Variants in C1orf21 observed in about 807,000 individuals in gnomAD.
C1orf21 encodes the protein chromosome 1 open reading frame 21.
In C1orf21, 3 loss-of-function variants were observed where a neutral mutation model predicts 18.7. The ratio of observed to expected loss-of-function variants is 0.16; its 90% CI spans 0.07 to 0.42. C1orf21 has a LOEUF of 0.42. Ranked by LOEUF, C1orf21 falls within the 10% of genes least tolerant of loss-of-function variation. C1orf21 has a pLI of 0.99. For missense variants in C1orf21, 104 were observed against 143.6 expected, an observed-to-expected ratio of 0.72 and a Z score of 1.41; for synonymous variants, 41 against 46.4, an observed-to-expected ratio of 0.88 and a Z score of 0.47.
rs1012558676 is a variant in C1orf21 at position 184,595,768 on chromosome 1, C to T, written c.267-2633C>T. 2.2e-4 allele frequency among the ~76,000 whole-genome samples: 34 copies of T among 152,316 alleles called. 1 individual carries two copies. The highest frequency in any genetic ancestry group is 1.9e-3 in the Admixed American group (29 of 15,296). ...GTTATCTGGAGGAGCCTGTCTGGTG[C>T]ATCAAGCTTCCTTCCATTCAGTCTT... On this transcript the variant is annotated intron_variant, in intron 4 of 5. Coordinates refer to ENST00000235307, the MANE Select transcript of C1orf21 (RefSeq NM_030806.4).
At chr1:184,528,297 A>G (rs928389000) in intron 3 of C1orf21, among the ~76,000 whole-genome samples, 2 of 152,218 alleles carry the variant, frequency 1.3e-5, no homozygotes, top group South Asian at 2.1e-4. Flanking sequence ...ACCTAGTCCT[A>G]TCATCACAAC....
chr1:184,576,463 AACAG>A, intron 3 of C1orf21, among the ~76,000 whole-genome samples: 1 of 152,304 alleles, frequency 6.6e-6, no homozygotes. Flanking sequence ...ACTGCTACAG[AACAG>A]ACAGTTCTCA....
At chr1:184,594,692 AGAG>A (rs1295776212) in intron 4 of C1orf21, among the ~76,000 whole-genome samples, 6 of 152,158 alleles carry the variant, frequency 3.9e-5, no homozygotes, top group African/African-American at 7.2e-5. Flanking sequence ...CAGGAAGAAA[AGAG>A]GAGGTCAGAA....
At chr1:184,544,862 CT>C (rs775598468) in intron 3 of C1orf21, among the ~76,000 whole-genome samples, 129 of 152,276 alleles carry the variant, frequency 8.5e-4, no homozygotes, top group Admixed American at 2.9e-3. Context: ...CTCATGTTTG[CT>C]GTTGGGAGGC....
At chr1:184,584,169 T>A (rs1659322410) in intron 3 of C1orf21, among the ~76,000 whole-genome samples, 1 of 146,750 alleles carries the variant, frequency 6.8e-6, no homozygotes, top group African/African-American at 2.5e-5. Flanking sequence ...AAAGCAGATC[T>A]CTTTAAACCT....
At chr1:184,511,387 T>G (rs947254278) in intron 3 of C1orf21, among the ~76,000 whole-genome samples, 15 of 152,136 alleles carry the variant, frequency 9.9e-5, no homozygotes, top group Admixed American at 7.9e-4. Flanking sequence ...TGACCTAAAT[T>G]ACCACAATTC....
intron 3 of C1orf21, among the ~76,000 whole-genome samples, chr1:184,528,051 C>T (rs1394676966): frequency 3.9e-5 from 6 of 152,114 alleles, no homozygotes; most frequent in Non-Finnish European, 7.4e-5. Flanking sequence ...GTGCCTAGAA[C>T]GGTGCCAGGT....
Position 184,437,950 on chromosome 1 carries a change from C to T in C1orf21, c.-124-39436C>T, listed in dbSNP as rs142897802. Among the ~76,000 whole-genome samples the T allele has an allele frequency of 4.0e-3, 610 of 152,196 alleles. 6 individuals are homozygous for T. Among genetic ancestry groups the T allele is most frequent in the African/African-American group, 0.014 (588 of 41,534 alleles). On this transcript the variant is annotated intron_variant, in intron 1 of 5. Coordinates refer to ENST00000235307, the MANE Select transcript of C1orf21 (RefSeq NM_030806.4). ...GCAGTTCACAATAGGGTTTGCACTTCTGTGAGAATCTGATGCCATCACTCA... is the reference window on the plus strand; with the variant it reads ...GCAGTTCACAATAGGGTTTGCACTTTTGTGAGAATCTGATGCCATCACTCA...
Position 184,507,663 on chromosome 1 carries a change from C to T in C1orf21, c.170C>T (p.Ala57Val). ...GCAGAAGAAGAGCAGAAAATAGCAG[C>T]CAGGAACCAAGAAAACTTGGTAAGA... Reference protein sequence around the residue: ...NGAEEEQKIAARNQENLEKSA... With the variant: ...NGAEEEQKIAVRNQENLEKSA... The change falls in exon 3 of 6, where the codon GCC (alanine) becomes GTC (valine). Residue 57 changes from alanine (A) to valine (V), a missense_variant. Ala to Val is a moderately conservative substitution (Grantham distance 64). Transcript: ENST00000235307. 1.3e-6 allele frequency: 2 copies of T among 1,592,978 alleles called. No homozygotes were observed. Among genetic ancestry groups the T allele is most frequent in the Non-Finnish European group, 1.7e-6 (2 of 1,173,324 alleles).
At chr1:184,461,484 C>T (rs923506511) in intron 1 of C1orf21, among the ~76,000 whole-genome samples, 3 of 152,178 alleles carry the variant, frequency 2.0e-5, no homozygotes, top group African/African-American at 7.2e-5. Context: ...CCATTTCCTG[C>T]ACTACAGAAC....
At chr1:184,573,000 G>A (rs969551857) in intron 3 of C1orf21, among the ~76,000 whole-genome samples, 16 of 151,074 alleles carry the variant, frequency 1.1e-4, no homozygotes, top group African/African-American at 3.9e-4. Context: ...CACCTTGTAT[G>A]TAAGTCTCAT....
intron 1 of C1orf21, among the ~76,000 whole-genome samples, chr1:184,460,661 CT>C (rs1366636817): frequency 7.0e-6 from 1 of 143,338 alleles, no homozygotes; most frequent in Admixed American, 6.9e-5. Flanking sequence ...TCTTCTTCTT[CT>C]TCTTCTTCTT....
At chr1:184,404,508 A>G (rs1432338786) in intron 1 of C1orf21, among the ~76,000 whole-genome samples, 1 of 152,146 alleles carries the variant, frequency 6.6e-6, no homozygotes, top group Non-Finnish European at 1.5e-5. Flanking sequence ...GCCGAGAGAA[A>G]GTGAGAAAGA....
At chr1:184,571,220 C>T (rs1402744794) in intron 3 of C1orf21, among the ~76,000 whole-genome samples, 2 of 148,858 alleles carry the variant, frequency 1.3e-5, no homozygotes, top group Non-Finnish European at 3.0e-5. Context: ...TGGCGTGAAC[C>T]CGGGAGGCGG....
chr1:184,490,674 G>A (rs543435460), intron 2 of C1orf21, among the ~76,000 whole-genome samples: 6 of 152,278 alleles, frequency 3.9e-5, no homozygotes, highest in African/African-American at 1.4e-4. Context: ...TTAGGGATTG[G>A]CAGTTAGGTG....
intron 2 of C1orf21, among the ~76,000 whole-genome samples, chr1:184,494,418 A>T (rs1175845158): frequency 6.6e-6 from 1 of 152,164 alleles, no homozygotes; most frequent in Non-Finnish European, 1.5e-5. Flanking sequence ...ATGAGGTCTG[A>T]CTGCTACGTA....
At chr1:184,464,819 T>G (rs1657363417) in intron 1 of C1orf21, among the ~76,000 whole-genome samples, 1 of 152,154 alleles carries the variant, frequency 6.6e-6, no homozygotes, top group Non-Finnish European at 1.5e-5. Context: ...AGAGGTTGCT[T>G]AGCTACCTTG....
chr1:184,467,179 C>T (rs1279715141), intron 1 of C1orf21, among the ~76,000 whole-genome samples: 3 of 152,194 alleles, frequency 2.0e-5, no homozygotes, highest in Admixed American at 6.5e-5. Context: ...AAAGCCGTCT[C>T]ATCTCTTCAT....
intron 3 of C1orf21, among the ~76,000 whole-genome samples, chr1:184,537,940 C>T (rs1658585368): frequency 6.6e-6 from 1 of 152,176 alleles, no homozygotes; most frequent in Non-Finnish European, 1.5e-5. Context: ...TGAGCTACCG[C>T]ACCTAGACCC....
Sources: allele counts gnomAD v4.1 joint callset (sites outside exome capture counted in the v4.1 genomes callset), GRCh38; gene constraint gnomAD v4.1.1; transcripts MANE v1.5; gene names NCBI Gene and HGNC (gene_info 2026-07-23, HGNC 2026-07-21).